Variants in DTNA observed in about 807,000 individuals in gnomAD.
DTNA encodes dystrophin-related protein 3.
A neutral mutation model predicts 100.7 loss-of-function variants in DTNA; 43 were observed. The observed-to-expected ratio is 0.43, with a 90% confidence interval of 0.33 to 0.55. The LOEUF is 0.55. DTNA is among the 20% of genes least tolerant of loss of function. The pLI, the probability that DTNA is intolerant of heterozygous loss-of-function variation, is 0.04. For synonymous variants in DTNA, 349 were observed against 347.9 expected (o/e 1.00, Z -0.04); for missense variants, 798 against 953.9 (o/e 0.84, Z 2.15).
intron 1 of DTNA, among the ~76,000 whole-genome samples, chr18:34,661,872 A>G (rs933649187): frequency 3.3e-5 from 5 of 152,150 alleles, no homozygotes; most frequent in African/African-American, 1.2e-4. Flanking sequence ...TGGCCTACCC[A>G]GTTTGGGGCA....
intron 1 of DTNA, among the ~76,000 whole-genome samples, chr18:34,692,556 A>C (rs2079924069): frequency 6.6e-6 from 1 of 152,224 alleles, no homozygotes; most frequent in Non-Finnish European, 1.5e-5. Context: ...ATAGTGTTAA[A>C]ATTTTCCATT....
intron 9 of DTNA, 126 bp from the exon 10 acceptor site, chr18:34,827,467 C>A: frequency 1.2e-6 from 1 of 843,554 alleles, no homozygotes; most frequent in Non-Finnish European, 2.0e-6. Context: ...TATAAGATTT[C>A]TTGTTGATCC....
chr18:34,730,685 C>T (rs572509200), intron 1 of DTNA, among the ~76,000 whole-genome samples: 4 of 152,288 alleles, frequency 2.6e-5, no homozygotes, highest in South Asian at 4.2e-4. Flanking sequence ...CAAACCAATT[C>T]GAACCCTTTT....
intron 9 of DTNA, among the ~76,000 whole-genome samples, chr18:34,822,068 C>A (rs1448771925): frequency 1.3e-5 from 2 of 152,198 alleles, no homozygotes; most frequent in African/African-American, 4.8e-5. Flanking sequence ...AGCCTGGAGG[C>A]TCCTGTTTCT....
chr18:34,681,651 A>G (rs34545946), intron 1 of DTNA, among the ~76,000 whole-genome samples: 7 of 151,884 alleles, frequency 4.6e-5, no homozygotes, highest in Admixed American at 4.6e-4. Flanking sequence ...AGGTCACCCA[A>G]AAATTGAGTA....
chr18:34,869,223 C>T (rs913240805), intron 17 of DTNA, among the ~76,000 whole-genome samples: 27 of 152,130 alleles, frequency 1.8e-4, no homozygotes, highest in African/African-American at 6.5e-4. Context: ...TATACGTCAG[C>T]TATAAGTATG....
chr18:34,581,368 C>T (rs1198628875), intron 1 of DTNA, among the ~76,000 whole-genome samples: 2 of 152,220 alleles, frequency 1.3e-5, no homozygotes, highest in Non-Finnish European at 2.9e-5. Flanking sequence ...GCTGTGTCCT[C>T]AGGAGTGACA....
chr18:34,651,182 C>A (rs1024020380), intron 1 of DTNA, among the ~76,000 whole-genome samples: 1 of 152,176 alleles, frequency 6.6e-6, no homozygotes, highest in Non-Finnish European at 1.5e-5. Context: ...ACTAGAATTA[C>A]AAGTGGTATT....
chr18:34,865,934 G>T (rs1603298726), intron 17 of DTNA, among the ~76,000 whole-genome samples: 1 of 152,322 alleles, frequency 6.6e-6, no homozygotes, highest in East Asian at 1.9e-4. Context: ...AAAGAGATGG[G>T]CCTGTAGTCT....
chr18:34,830,052 GT>G (rs2095967109), intron 11 of DTNA, among the ~76,000 whole-genome samples: 2 of 152,134 alleles, frequency 1.3e-5, no homozygotes, highest in African/African-American at 2.4e-5. Flanking sequence ...GATAATGCTG[GT>G]GGTGAATCAC....
chr18:34,729,649 G>C (rs2087602912), intron 1 of DTNA, among the ~76,000 whole-genome samples: 1 of 152,048 alleles, frequency 6.6e-6, no homozygotes, highest in African/African-American at 2.4e-5. Flanking sequence ...AGGAGGCTGG[G>C]CACATTCCAT....
At chr18:34,547,307 T>C (rs2044893623) in intron 1 of DTNA, among the ~76,000 whole-genome samples, 1 of 152,150 alleles carries the variant, frequency 6.6e-6, no homozygotes, top group African/African-American at 2.4e-5. Context: ...TAACTCTTTA[T>C]GCCAGGGAGC....
intron 3 of DTNA, among the ~76,000 whole-genome samples, chr18:34,780,194 G>C (rs149809647): frequency 1.1e-4 from 17 of 152,220 alleles, no homozygotes; most frequent in Non-Finnish European, 2.1e-4. Context: ...TTATCTCCTT[G>C]TCTGTCAGAA....
intron 14 of DTNA, among the ~76,000 whole-genome samples, chr18:34,848,627 T>TC (rs1254272567): frequency 5.3e-5 from 8 of 151,976 alleles, no homozygotes; most frequent in Admixed American, 3.3e-4. Flanking sequence ...AATCCTCGCA[T>TC]CCCCCTTCAT....
chr18:34,764,177 G>T (rs1278733166), intron 2 of DTNA, among the ~76,000 whole-genome samples: 2 of 152,070 alleles, frequency 1.3e-5, no homozygotes, highest in South Asian at 4.1e-4. Flanking sequence ...CTCTTAAGGG[G>T]CCCATTTACT....
At chr18:34,856,585 T>A (rs942106203) in intron 15 of DTNA, among the ~76,000 whole-genome samples, 1 of 152,218 alleles carries the variant, frequency 6.6e-6, no homozygotes, top group African/African-American at 2.4e-5. Flanking sequence ...CAGGCTGATA[T>A]ATGTGGGGTT....
chr18:34,707,688 T>A (rs2082288735), upstream of DTNA, among the ~76,000 whole-genome samples: 1 of 152,154 alleles, frequency 6.6e-6, no homozygotes, highest in South Asian at 2.1e-4. Flanking sequence ...ATGAAATGAA[T>A]GCAGTCAGTG....
At chr18:34,658,878 A>G (rs2074771938) in intron 1 of DTNA, among the ~76,000 whole-genome samples, 1 of 152,212 alleles carries the variant, frequency 6.6e-6, no homozygotes, top group African/African-American at 2.4e-5. Context: ...AATGGCCAGA[A>G]TTAAATAAAT....
At chr18:34,724,535 G>A (rs1161321165) in intron 1 of DTNA, among the ~76,000 whole-genome samples, 1 of 152,170 alleles carries the variant, frequency 6.6e-6, no homozygotes, top group Non-Finnish European at 1.5e-5. Flanking sequence ...TCCTGGCAAG[G>A]GCCTCAGGAA....
Sources: gnomAD v4.1 joint callset for allele counts (sites outside exome capture counted in the v4.1 genomes callset) on GRCh38, gnomAD v4.1.1 for gene constraint, MANE v1.5 for transcripts, NCBI Gene and HGNC (gene_info 2026-07-23, HGNC 2026-07-21) for gene names.